Variants in LYST observed in about 807,000 individuals in gnomAD.
LYST encodes the protein lysosomal trafficking regulator.
Under a neutral mutation model 413.6 loss-of-function variants are expected in LYST, and 192 were observed. The ratio of observed to expected loss-of-function variants is 0.46; its 90% CI spans 0.41 to 0.52. The LOEUF is 0.52. LYST is among the 20% of genes least tolerant of loss of function. The pLI, the probability that LYST is intolerant of heterozygous loss-of-function variation, is 0.00. For missense variants in LYST, 3,815 were observed against 4,499.9 expected (o/e 0.85, Z 4.35); for synonymous variants, 1,525 against 1,567.3 (o/e 0.97, Z 0.64).
intron 3 of LYST, among the ~76,000 whole-genome samples, chr1:235,825,327 C>T (rs753570779): frequency 6.6e-6 from 1 of 152,150 alleles, no homozygotes; most frequent in Admixed American, 6.5e-5. Flanking sequence ...CTTCCATCTG[C>T]TTTTGTACTA....
At chr1:235,702,654 C>A (rs938575644) in intron 45 of LYST, 93 bp downstream of exon 45, 2 of 1,065,006 alleles carry the variant, frequency 1.9e-6, no homozygotes, top group Admixed American at 3.5e-5. Context: ...AGCTTTAGGC[C>A]AGGACCATGC....
chr1:235,761,231 T>C (rs1436564329), intron 22 of LYST, among the ~76,000 whole-genome samples: 1 of 152,204 alleles, frequency 6.6e-6, no homozygotes, highest in African/African-American at 2.4e-5. Context: ...GACTAATACC[T>C]ATATATCTAG....
intron 48 of LYST, among the ~76,000 whole-genome samples, chr1:235,685,918 T>C (rs1488841292): frequency 6.6e-6 from 1 of 150,422 alleles, no homozygotes; most frequent in African/African-American, 2.4e-5. Flanking sequence ...ATGCTAGAAA[T>C]ACAGGTTTCA....
At chr1:235,779,370 A>G (rs961323613) in intron 16 of LYST, among the ~76,000 whole-genome samples, 11 of 152,220 alleles carry the variant, frequency 7.2e-5, no homozygotes, top group African/African-American at 2.4e-4. Context: ...AAATTTTTCT[A>G]TGAAAACAAA....
At chr1:235,719,497 G>T (rs1028770101) in intron 40 of LYST, among the ~76,000 whole-genome samples, 6 of 152,032 alleles carry the variant, frequency 3.9e-5, no homozygotes, top group African/African-American at 1.5e-4. Flanking sequence ...ATCAATGGAT[G>T]AAACCATTAG....
chr1:235,817,877 A>G (rs1674339967), intron 3 of LYST, among the ~76,000 whole-genome samples: 1 of 152,188 alleles, frequency 6.6e-6, no homozygotes, highest in Non-Finnish European at 1.5e-5. Context: ...AGTAAAAAAA[A>G]AAATTTGTTA....
intron 1 of LYST, among the ~76,000 whole-genome samples, chr1:235,838,991 CCTTT>C (rs1161597504): frequency 6.6e-6 from 1 of 151,936 alleles, no homozygotes; most frequent in Non-Finnish European, 1.5e-5. Flanking sequence ...ACCCCTGCGC[CCTTT>C]CTTTCTTTTT....
At chr1:235,730,591 GTGTGTGTGTGTGTGTGTGTGTGTA>G (rs1156530672) in intron 36 of LYST, among the ~76,000 whole-genome samples, 1,524 of 133,696 alleles carry the variant, frequency 0.011, 29 homozygotes, top group African/African-American at 0.037. Flanking sequence ...GTGTGTGTGT[GTGTGTGTGTGTGTGTGTGTGTGTA>G]TATGTAAACT....
intron 1 of LYST, among the ~76,000 whole-genome samples, chr1:235,877,567 C>T (rs548388260): frequency 8.5e-5 from 13 of 152,156 alleles, no homozygotes; most frequent in South Asian, 4.1e-4. Context: ...CCACCACATC[C>T]GGCTAATTTT....
intron 1 of LYST, among the ~76,000 whole-genome samples, chr1:235,872,516 T>C (rs892697488): frequency 6.6e-6 from 1 of 152,156 alleles, no homozygotes; most frequent in Non-Finnish European, 1.5e-5. Context: ...GGCATCTGTG[T>C]GCAGCATTCC....
chr1:235,716,437 T>C (rs1486640575), intron 41 of LYST, among the ~76,000 whole-genome samples: 1 of 152,210 alleles, frequency 6.6e-6, no homozygotes, highest in African/African-American at 2.4e-5. Flanking sequence ...GTGATTTTTA[T>C]AAGGAATGTG....
At chr1:235,683,703 G>A (rs1660006969) in intron 48 of LYST, among the ~76,000 whole-genome samples, 1 of 152,136 alleles carries the variant, frequency 6.6e-6, no homozygotes, top group Non-Finnish European at 1.5e-5. Context: ...TCTTTTGTCT[G>A]TGTTAAAGAC....
intron 47 of LYST, among the ~76,000 whole-genome samples, chr1:235,691,489 A>G (rs1660649217): frequency 6.6e-6 from 1 of 152,218 alleles, no homozygotes; most frequent in East Asian, 1.9e-4. Flanking sequence ...AGATGGCACT[A>G]TGGTTACAGA....
chr1:235,808,565 G>A lies in LYST; in HGVS notation c.2253C>T (p.His751=). ...GACTTTGAGCTGAAGTAACGCTTAG[G>A]TGTTGACAATGATGTGCTAATTCAA... ...RGVELAHHCQ[H]LSVTSAQSHV... is the part of the protein sequence containing the mutation. The change falls in exon 5 of 53, where the codon CAC becomes CAT. Residue 751 remains histidine, a synonymous_variant. Coordinates refer to ENST00000389793, the MANE Select transcript of LYST (RefSeq NM_000081.4). 6.2e-7 allele frequency: 1 copy of A among 1,613,978 alleles called. No individual in the cohort carries two copies. The highest frequency in any genetic ancestry group is 8.5e-7 in the Non-Finnish European group (1 of 1,179,920).
At chr1:235,691,210 G>A (rs1045678684) in intron 47 of LYST, among the ~76,000 whole-genome samples, 5 of 152,078 alleles carry the variant, frequency 3.3e-5, no homozygotes, top group East Asian at 1.9e-4. Context: ...GAGCCACCGC[G>A]CCTGGCTACA....
chr1:235,731,961 TA>T (rs577107482), intron 34 of LYST, among the ~76,000 whole-genome samples: 100 of 152,052 alleles, frequency 6.6e-4, no homozygotes, highest in Non-Finnish European at 1.3e-3. Context: ...TTAGATGAAA[TA>T]AGACAGGAAA....
chr1:235,759,440 G>A lies in LYST; in HGVS notation c.6413C>T (p.Thr2138Ile), dbSNP rs767774418. Reference sequence around the variant, plus strand: ...TTTCTTTGATTGGGTGGCAACATAAGTATCTGCAATATTTTGTAACCTGTC... The same window carrying A: ...TTTCTTTGATTGGGTGGCAACATAAATATCTGCAATATTTTGTAACCTGTC... ...SIDRLQNIADTYVATQSKKQN... is the reference protein window; with the variant it reads ...SIDRLQNIADIYVATQSKKQN... Residue 2138 changes from threonine to isoleucine, a missense_variant, in exon 23 of 53, where the codon ACT (threonine) becomes ATT (isoleucine). Coordinates refer to ENST00000389793, the MANE Select transcript of LYST (RefSeq NM_000081.4). 18 of 1,613,976 alleles carry A rather than the reference G, an allele frequency of 1.1e-5. No homozygotes were observed. The African/African-American group carries it at 2.1e-4, about 19-fold the overall frequency.
chr1:235,839,781 G>A (rs987784184), intron 1 of LYST: 1 of 150,688 alleles, frequency 6.6e-6, no homozygotes, highest in African/African-American at 2.4e-5. Flanking sequence ...CACCAGCCTG[G>A]GCGACAGAGC....
upstream of LYST, among the ~76,000 whole-genome samples, chr1:235,869,469 C>G (rs564649104): frequency 1.0e-4 from 15 of 149,470 alleles, no homozygotes; most frequent in Non-Finnish European, 1.8e-4. Context: ...GAGACTCCGT[C>G]TCAAAAAAAA....
Sources: allele counts gnomAD v4.1 joint callset (sites outside exome capture counted in the v4.1 genomes callset), GRCh38; gene constraint gnomAD v4.1.1; transcripts MANE v1.5; gene names NCBI Gene and HGNC (gene_info 2026-07-23, HGNC 2026-07-21).